The following STS variants were observed in gnomAD, a reference collection of about 807,000 sequenced individuals.
The protein encoded by STS is steryl-sulfatase.
Under a neutral mutation model 26.8 loss-of-function variants are expected in STS, and 7 were observed. That is an observed-to-expected ratio of 0.26 (90% CI 0.15 to 0.49). The LOEUF (loss-of-function observed/expected upper bound fraction) is 0.49, where lower values mean the gene tolerates loss of function less well. STS is among the 20% of genes least tolerant of loss of function. The pLI is 0.98. For missense variants in STS, 434 were observed against 465.6 expected (o/e 0.93, Z 0.63); for synonymous variants, 199 against 189.4 (o/e 1.05, Z -0.42).
At chrX:7,282,924 A>C (rs1351534224) in intron 7 of STS, among the ~76,000 whole-genome samples, 1 of 111,998 alleles carries the variant, frequency 8.9e-6, no homozygotes, top group African/African-American at 3.3e-5. Flanking sequence ...AGAATATTTC[A>C]GGCAGTTGGG....
intron 7 of STS, among the ~76,000 whole-genome samples, chrX:7,277,153 T>G (rs1344910869): frequency 8.9e-6 from 1 of 112,103 alleles, no homozygotes; most frequent in Admixed American, 9.4e-5. Context: ...CAGCATTGCC[T>G]CTTACTTTTA....
intron 1 of STS, among the ~76,000 whole-genome samples, chrX:7,179,839 A>G (rs1370377367): frequency 8.9e-6 from 1 of 112,102 alleles, no homozygotes; most frequent in Non-Finnish European, 1.9e-5. Context: ...TAAATTCAGG[A>G]CATCCATTGT....
intron 1 of STS, among the ~76,000 whole-genome samples, chrX:7,177,210 G>GTC (rs1157358750): frequency 9.0e-6 from 1 of 110,838 alleles, no homozygotes; most frequent in Non-Finnish European, 1.9e-5. Flanking sequence ...TTGTGATTCT[G>GTC]TCTACCCAAC....
chrX:7,148,146 G>C, intron 1 of STS, 63 bp downstream of exon 1: 1 of 1,037,803 alleles, frequency 9.6e-7, no homozygotes, highest in Non-Finnish European at 1.3e-6. Flanking sequence ...TGGGGGCGAG[G>C]AGGAAGTGCG....
Position 7,165,889 on chromosome X carries a change from G to A in STS, c.-134+17806G>A, listed in dbSNP as rs776758738. ...TCCCCCGGGGGTCAAATTGGGCCCT[G>A]GCAAGAACCACTGGTCTAGGCTAGT... On this transcript the variant is annotated intron_variant, in intron 1 of 10. Transcript: ENST00000674429. Among the ~76,000 whole-genome samples the A allele has an allele frequency of 2.7e-5, 3 of 111,382 alleles. No homozygotes were observed. The Admixed American group carries it at 2.8e-4, about 11-fold the overall frequency.
At chrX:7,187,465 A>G (rs1314765645) in intron 1 of STS, among the ~76,000 whole-genome samples, 2 of 111,759 alleles carry the variant, frequency 1.8e-5, no homozygotes, top group African/African-American at 6.5e-5. Flanking sequence ...ATGGCAAATC[A>G]ATCAGTCAAA....
rs1314230246 is a variant in STS, at chrX:7,326,690, A to T, written c.1241+1192A>T. Among the ~76,000 whole-genome samples, 3 of 112,404 alleles carry T rather than the reference A, an allele frequency of 2.7e-5. No individual in the cohort carries two copies. In the East Asian group the frequency reaches 8.3e-4, roughly 31 times the overall value. On this transcript the variant is annotated intron_variant, in intron 9 of 10. Coordinates refer to ENST00000674429, the MANE Select transcript of STS (RefSeq NM_001320752.2). ...AGTTTTAAGTGAAGCACACTGATTA[A>T]TTGTTTTCATTAGTTTGGTGACAGA...
At chrX:7,308,979 C>T (rs1235209202) in intron 8 of STS, among the ~76,000 whole-genome samples, 2 of 111,652 alleles carry the variant, frequency 1.8e-5, no homozygotes, top group Non-Finnish European at 3.8e-5. Context: ...TTCTACTGTC[C>T]ATCAAAACCC....
chrX:7,240,905 G>A (rs1439073031), intron 2 of STS, among the ~76,000 whole-genome samples: 3 of 110,839 alleles, frequency 2.7e-5, no homozygotes, highest in South Asian at 3.9e-4. Context: ...GGAGTGAAAC[G>A]AAACCATGCC....
At chrX:7,253,377 A>C (rs1569202246) in intron 3 of STS, 41 bp downstream of exon 3, 1 of 1,206,543 alleles carries the variant, frequency 8.3e-7, no homozygotes. Flanking sequence ...GGCTGTATTC[A>C]TAGGCAACAG....
chrX:7,324,215 T>C (rs1356867108), intron 8 of STS, among the ~76,000 whole-genome samples: 31 of 110,718 alleles, frequency 2.8e-4, no homozygotes, highest in Admixed American at 2.6e-3. Flanking sequence ...CTCAAAGAAT[T>C]TCTGATTGGC....
At chrX:7,167,680 A>G (rs1021507555) in intron 1 of STS, among the ~76,000 whole-genome samples, 2 of 111,293 alleles carry the variant, frequency 1.8e-5, no homozygotes, top group Non-Finnish European at 3.8e-5. Context: ...TTGCCCTATT[A>G]GGGCAGGCTC....
At chrX:7,271,276 A>G (rs1924256744) in intron 6 of STS, among the ~76,000 whole-genome samples, 1 of 111,583 alleles carries the variant, frequency 9.0e-6, no homozygotes, top group Non-Finnish European at 1.9e-5. Flanking sequence ...TACATAATGT[A>G]ACTCTCTATT....
In STS at chrX:7,180,278, G is replaced by A. The variant is rs939099362; in HGVS notation, c.-133-10602G>A. 8.0e-5 allele frequency among the ~76,000 whole-genome samples: 9 copies of A among 111,872 alleles called. No homozygotes were observed. The South Asian group carries it at 2.3e-3, about 28-fold the overall frequency. ...CAACTAGACGATCCCATCGGGGGGT[G>A]ATGGGAGACAGTGATAGATCATCAA... On this transcript the variant is annotated intron_variant, in intron 1 of 10. Coordinates refer to ENST00000674429, the MANE Select transcript of STS (RefSeq NM_001320752.2).
chrX:7,304,118 G>A (rs1239766116), intron 7 of STS, among the ~76,000 whole-genome samples: 1 of 111,112 alleles, frequency 9.0e-6, no homozygotes, highest in Non-Finnish European at 1.9e-5. Context: ...ACCTGTTCAG[G>A]ATTTGAGCAT....
At chrX:7,326,030 T>C (rs772079719) in intron 9 of STS, among the ~76,000 whole-genome samples, 1 of 111,606 alleles carries the variant, frequency 9.0e-6, no homozygotes, top group Admixed American at 9.5e-5. Context: ...GATGCTGGCT[T>C]TGGGGATCAG....
chrX:7,283,204 C>A (rs1924960376), intron 7 of STS, among the ~76,000 whole-genome samples: 1 of 111,609 alleles, frequency 9.0e-6, no homozygotes, highest in Non-Finnish European at 1.9e-5. Context: ...ATAATGTGCT[C>A]ACTTCTGGTG....
At chrX:7,152,702 A>G (rs1422983728) in intron 1 of STS, among the ~76,000 whole-genome samples, 1 of 112,758 alleles carries the variant, frequency 8.9e-6, no homozygotes, top group Non-Finnish European at 1.9e-5. Context: ...GGAGGAGGGG[A>G]GACATCATTG....
intron 2 of STS, among the ~76,000 whole-genome samples, chrX:7,226,990 C>T (rs754558496): frequency 1.8e-5 from 2 of 111,839 alleles, no homozygotes; most frequent in South Asian, 3.8e-4. Flanking sequence ...TTTTAGCCAC[C>T]GTAGGGGTTG....
Sources: allele counts gnomAD v4.1 joint callset (sites outside exome capture counted in the v4.1 genomes callset), GRCh38; gene constraint gnomAD v4.1.1; transcripts MANE v1.5; gene names NCBI Gene and HGNC (gene_info 2026-07-23, HGNC 2026-07-21).